TRAPPC13: variants seen among roughly 807,000 people sequenced by gnomAD.
TRAPPC13 encodes the protein REV7-interacting novel NHEJ regulator 1.
A neutral mutation model predicts 54.0 loss-of-function variants in TRAPPC13; 39 were observed. That is an observed-to-expected ratio of 0.72 (90% CI 0.56 to 0.94). The LOEUF is 0.94. Among genes scored for constraint, TRAPPC13 ranks in the 40% least tolerant of loss-of-function variants. TRAPPC13 has a pLI of 0.00. For synonymous variants in TRAPPC13, 148 were observed against 167.7 expected (o/e 0.88, Z 0.91); for missense variants, 386 against 488.1 (o/e 0.79, Z 1.97).
chr5:65,644,793 A>G (rs1581219945), intron 4 of TRAPPC13, among the ~76,000 whole-genome samples: 1 of 151,918 alleles, frequency 6.6e-6, no homozygotes. Flanking sequence ...AGGCAGGACA[A>G]TCACTTGAAT....
At chr5:65,661,845 A>G in intron 10 of TRAPPC13, 2 of 452,570 alleles carry the variant, frequency 4.4e-6, no homozygotes, top group South Asian at 4.2e-5. Flanking sequence ...TAACAAAAAC[A>G]GTCCAGGTCT....
At chr5:65,635,899 T>G in intron 2 of TRAPPC13, 45 bp from the exon 3 acceptor site, 1 of 1,216,400 alleles carries the variant, frequency 8.2e-7, no homozygotes, top group Non-Finnish European at 1.1e-6. Flanking sequence ...GTAAAAGTTA[T>G]TTAAAGGGTA....
intron 4 of TRAPPC13, among the ~76,000 whole-genome samples, chr5:65,645,510 A>C (rs1280798006): frequency 2.0e-5 from 3 of 152,142 alleles, no homozygotes; most frequent in East Asian, 3.9e-4. Flanking sequence ...AATTAACTGC[A>C]AAACTGTTTT....
chr5:65,664,687 G>A lies in TRAPPC13; in HGVS notation c.*76G>A, dbSNP rs192815908. The A allele has an allele frequency of 1.1e-4, 114 of 1,014,464 alleles. 1 individual carries two copies. In the Admixed American group the frequency reaches 2.1e-3, roughly 18 times the overall value. 62.8% of individuals were successfully genotyped at this position (1,014,464 alleles called of 1,614,324 possible). On this transcript the variant is annotated 3_prime_UTR_variant, in exon 13 of 13. Transcript: ENST00000399438. ...TTTGTTACCTTTGTAAAATGATGAC[G>A]TCAACAACGAAGTAAATATGTTACT...
At chr5:65,646,897 A>G (rs774599855) in intron 4 of TRAPPC13, among the ~76,000 whole-genome samples, 158 bp from the exon 5 acceptor site, 4 of 152,078 alleles carry the variant, frequency 2.6e-5, no homozygotes, top group South Asian at 2.1e-4. Flanking sequence ...TCTAAGCATC[A>G]GAGCTATACA....
intron 1 of TRAPPC13, among the ~76,000 whole-genome samples, chr5:65,628,223 G>A (rs1755339641): frequency 6.6e-6 from 1 of 152,082 alleles, no homozygotes; most frequent in Non-Finnish European, 1.5e-5. Context: ...GAAAAAAATA[G>A]GAGTCTAGAC....
At position 65,664,547 on chromosome 5, in the gene TRAPPC13, C is replaced by T. The variant is rs781760031; in HGVS notation, c.1190C>T (p.Thr397Ile). Residue 397 changes from threonine (T) to isoleucine (I), a missense_variant, in exon 13 of 13, where the codon ACA (threonine) becomes ATA (isoleucine). Thr to Ile is a moderately conservative substitution (Grantham distance 89). Transcript: ENST00000399438. ...CTAACAGACACATTCTTAAAGAGAA[C>T]ATATGAATATGATGACATCGCACAA... Reference protein sequence around the residue: ...LRLTDTFLKRTYEYDDIAQVC... With the variant: ...LRLTDTFLKRIYEYDDIAQVC... 6.2e-7 allele frequency: 1 copy of T among 1,612,014 alleles called. No homozygotes were observed. Among genetic ancestry groups the T allele is most frequent in the Admixed American group, 1.7e-5 (1 of 59,358 alleles).
In TRAPPC13 at chr5:65,664,287, A is replaced by G. The variant is rs1433262194; in HGVS notation, c.1049A>G (p.His350Arg). ...GAAATGTGCAATACCAATTCCATCCACTGGTGTGGAATTTCAGGAAGACAG... is the reference window on the plus strand; with the variant it reads ...GAAATGTGCAATACCAATTCCATCCGCTGGTGTGGAATTTCAGGAAGACAG... ...VLEMCNTNSI[H>R]WCGISGRQLG... Residue 350 changes from histidine to arginine, a missense_variant, in exon 12 of 13, where the codon CAC becomes CGC. Physicochemically the swap from His to Arg is conservative, Grantham distance 29 (BLOSUM62 0). Coordinates refer to ENST00000399438, the MANE Select transcript of TRAPPC13 (RefSeq NM_024941.4). 1 of 1,613,850 alleles carries G rather than the reference A, an allele frequency of 6.2e-7. No individual in the cohort carries two copies. The highest frequency in any genetic ancestry group is 1.1e-5 in the South Asian group (1 of 91,088).
Position 65,630,512 on chromosome 5 carries a change from T to C in TRAPPC13, c.47-4789T>C, listed in dbSNP as rs557949952. The C allele has an allele frequency of 6.4e-5, 85 of 1,328,554 alleles. No homozygotes were observed. The African/African-American group carries it at 1.1e-3, about 17-fold the overall frequency. 82.3% of individuals were successfully genotyped at this position (1,328,554 alleles called of 1,614,324 possible). A position where few individuals can be genotyped will look rare whatever the true frequency, so the allele number is the denominator to read the frequency against. On this transcript the variant is annotated intron_variant, in intron 1 of 12. Coordinates refer to ENST00000399438, the MANE Select transcript of TRAPPC13 (RefSeq NM_024941.4). Reference sequence around the variant, plus strand: ...TGCTTATTGGCAGCCTTCTTTTAAATGTGATAAATTATTGTTTACACTGAA... The same window carrying C: ...TGCTTATTGGCAGCCTTCTTTTAAACGTGATAAATTATTGTTTACACTGAA...
chr5:65,635,916 A>C (rs1207910561), intron 2 of TRAPPC13, 28 bp from the exon 3 acceptor site: 1 of 1,434,330 alleles, frequency 7.0e-7, no homozygotes, highest in Non-Finnish European at 9.5e-7. Context: ...GGTAGATGTT[A>C]GAATTTTATG....
At chr5:65,645,534 G>C (rs955515030) in intron 4 of TRAPPC13, among the ~76,000 whole-genome samples, 1 of 152,222 alleles carries the variant, frequency 6.6e-6, no homozygotes, top group African/African-American at 2.4e-5. Flanking sequence ...GCAGGGCGCG[G>C]TGGCTAACGC....
intron 4 of TRAPPC13, among the ~76,000 whole-genome samples, chr5:65,641,524 A>G (rs1253813458): frequency 6.6e-6 from 1 of 152,052 alleles, no homozygotes; most frequent in Non-Finnish European, 1.5e-5. Flanking sequence ...CCTGGGGAAT[A>G]TAATGATCGA....
chr5:65,645,664 C>T lies in TRAPPC13; in HGVS notation c.301-1391C>T, dbSNP rs1420212268. ...CTAAAAATACAAAAAATTAGCCAGG[C>T]GTGGTGGTGCATGCCTGTAATCCCA... On this transcript the variant is annotated intron_variant, in intron 4 of 12. Transcript: ENST00000399438. 4.0e-5 allele frequency among the ~76,000 whole-genome samples: 6 copies of T among 151,654 alleles called. No individual in the cohort carries two copies. The East Asian group carries it at 1.2e-3, about 29-fold the overall frequency.
At chr5:65,628,881 G>T (rs914863846) in intron 1 of TRAPPC13, among the ~76,000 whole-genome samples, 2 of 150,898 alleles carry the variant, frequency 1.3e-5, no homozygotes, top group Non-Finnish European at 2.9e-5. Context: ...TGAGTGGCAT[G>T]ATCTTGGCTC....
intron 4 of TRAPPC13, among the ~76,000 whole-genome samples, chr5:65,646,416 A>G (rs915518033): frequency 2.0e-5 from 3 of 152,162 alleles, no homozygotes; most frequent in African/African-American, 7.2e-5. Context: ...ATACATACAT[A>G]TCTATTTGTT....
chr5:65,658,660 C>T (rs896170764), intron 9 of TRAPPC13, among the ~76,000 whole-genome samples, 159 bp downstream of exon 9: 4 of 151,666 alleles, frequency 2.6e-5, no homozygotes, highest in African/African-American at 9.7e-5. Context: ...CACATACCCT[C>T]TTCCACTCCT....
Position 65,664,344 on chromosome 5 carries a change from G to C in TRAPPC13, c.1106G>C (p.Cys369Ser), listed in dbSNP as rs747462280. Residue 369 changes from cysteine (C) to serine (S), a missense_variant, in exon 12 of 13, where the codon TGT (cysteine) becomes TCT (serine). Coordinates refer to ENST00000399438, the MANE Select transcript of TRAPPC13 (RefSeq NM_024941.4). ...LGKLHPSSSL[C>S]LALTLLSSVQ... ...AAGCTGCATCCAAGTTCTTCGCTCT[G>C]TCTTGCCCTTACTCTGCTTTCTTCA... is the stretch of plus-strand genomic sequence containing the variant. 1 of 1,613,964 alleles carries C rather than the reference G, an allele frequency of 6.2e-7. No individual in the cohort carries two copies. The highest frequency in any genetic ancestry group is 8.5e-7 in the Non-Finnish European group (1 of 1,179,864).
At chr5:65,628,619 A>C (rs763146104) in intron 1 of TRAPPC13, among the ~76,000 whole-genome samples, 2 of 151,752 alleles carry the variant, frequency 1.3e-5, no homozygotes, top group East Asian at 1.9e-4. Context: ...TTACAGGCAC[A>C]CGCCACCACA....
intron 6 of TRAPPC13, among the ~76,000 whole-genome samples, chr5:65,652,204 T>C (rs1484572858): frequency 6.6e-6 from 1 of 151,924 alleles, no homozygotes; most frequent in African/African-American, 2.4e-5. Context: ...AATATAGATA[T>C]AGAAAAATAC....
Sources: gnomAD v4.1 joint callset for allele counts (sites outside exome capture counted in the v4.1 genomes callset) on GRCh38, gnomAD v4.1.1 for gene constraint, MANE v1.5 for transcripts, NCBI Gene and HGNC (gene_info 2026-07-23, HGNC 2026-07-21) for gene names.